RAPGEF6: variants seen among roughly 807,000 people sequenced by gnomAD.
The protein encoded by RAPGEF6 is PDZ domain containing guanine nucleotide exchange factor (GEF) 2.
Under a neutral mutation model 171.4 loss-of-function variants are expected in RAPGEF6, and 56 were observed. The ratio of observed to expected loss-of-function variants is 0.33; its 90% confidence interval spans 0.26 to 0.41. RAPGEF6 has a LOEUF of 0.41. Among genes scored for constraint, RAPGEF6 ranks in the 10% least tolerant of loss-of-function variants. RAPGEF6 has a pLI of 1.00. For missense variants in RAPGEF6, 1,674 were observed against 1,921.4 expected, an observed-to-expected ratio of 0.87 and a Z score of 2.41; for synonymous variants, 692 against 650.1, an observed-to-expected ratio of 1.06 and a Z score of -0.98.
At chr5:131,481,226 T>C (rs573217584) in intron 15 of RAPGEF6, among the ~76,000 whole-genome samples, 1 of 149,662 alleles carries the variant, frequency 6.7e-6, no homozygotes, top group South Asian at 2.1e-4. Context: ...TGCCTGGCCC[T>C]TTTTTTTTCC....
At chr5:131,567,443 A>G (rs977790017) in intron 4 of RAPGEF6, among the ~76,000 whole-genome samples, 1 of 152,136 alleles carries the variant, frequency 6.6e-6, no homozygotes, top group East Asian at 1.9e-4. Context: ...GCATCCCATA[A>G]ATTTTGATGT....
intron 6 of RAPGEF6, among the ~76,000 whole-genome samples, chr5:131,524,633 AG>A (rs1204826901): frequency 1.3e-5 from 2 of 150,472 alleles, no homozygotes; most frequent in African/African-American, 4.9e-5. Context: ...AGAGAGAGAG[AG>A]AGAGAGAGAC....
intron 2 of RAPGEF6, among the ~76,000 whole-genome samples, chr5:131,604,340 T>C (rs370662906): frequency 1.3e-5 from 2 of 152,204 alleles, no homozygotes; most frequent in Non-Finnish European, 2.9e-5. Flanking sequence ...CCCTATTTTA[T>C]TGAAGACAAA....
At chr5:131,477,986 G>A (rs1404143601) in intron 16 of RAPGEF6, among the ~76,000 whole-genome samples, 2 of 152,018 alleles carry the variant, frequency 1.3e-5, no homozygotes, top group Non-Finnish European at 2.9e-5. Flanking sequence ...CTCCTTACTC[G>A]ATCCCCATTT....
At chr5:131,634,008 G>T (rs1766476162) in intron 1 of RAPGEF6, among the ~76,000 whole-genome samples, 1 of 152,160 alleles carries the variant, frequency 6.6e-6, no homozygotes, top group Non-Finnish European at 1.5e-5. Context: ...GACCTATCAT[G>T]GCTTCCGTTG....
chr5:131,472,672 T>C lies in RAPGEF6; in HGVS notation c.2154A>G (p.Ile718Met). The C allele has an allele frequency of 6.2e-7, 1 of 1,613,162 alleles. No homozygotes were observed. The change falls in exon 17 of 28, where the codon ATA becomes ATG. Residue 718 changes from isoleucine to methionine, a missense_variant. Ile to Met is a conservative substitution (Grantham distance 10, BLOSUM62 1). Coordinates refer to ENST00000509018, the MANE Select transcript of RAPGEF6 (RefSeq NM_016340.6). ...GTRHCRHSLA[I>M]MPIPGTLSSS... Reference sequence around the variant, plus strand: ...ATGAGAGTGTTCCAGGGATGGGCATTATAGCCAGACTATGCCTACAGTGCC... The same window carrying C: ...ATGAGAGTGTTCCAGGGATGGGCATCATAGCCAGACTATGCCTACAGTGCC...
rs1751332483 is a variant in RAPGEF6 at position 131,424,965 on chromosome 5, T to C, written c.*2301A>G. 1 of 152,318 alleles carries C rather than the reference T, an allele frequency of 6.6e-6. No individual in the cohort carries two copies. The highest frequency in any genetic ancestry group is 1.5e-5 in the Non-Finnish European group (1 of 68,024). The allele number at this position is 152,318 out of a possible 1,614,324, so 9.4% of individuals were successfully genotyped here. A position where few individuals can be genotyped will look rare whatever the true frequency, so the allele number is the denominator to read the frequency against. On this transcript the variant is annotated 3_prime_UTR_variant, in exon 28 of 28. Coordinates refer to ENST00000509018, the MANE Select transcript of RAPGEF6 (RefSeq NM_016340.6). Reference sequence around the variant, plus strand: ...CTTAAGACTTCTCTTGTTCTAGTCATATGACAAACTAAGAGAAGGCAGGAA... The same window carrying C: ...CTTAAGACTTCTCTTGTTCTAGTCACATGACAAACTAAGAGAAGGCAGGAA...
intron 13 of RAPGEF6, among the ~76,000 whole-genome samples, chr5:131,493,237 TG>T (rs1756413274): frequency 1.3e-5 from 2 of 152,072 alleles, no homozygotes; most frequent in Non-Finnish European, 2.9e-5. Context: ...GCTAATTTTT[TG>T]TATTTTTGGT....
Position 131,464,281 on chromosome 5 carries a change from T to C in RAPGEF6, c.2240A>G (p.Asp747Gly), listed in dbSNP as rs758136145. 1 of 1,606,904 alleles carries C rather than the reference T, an allele frequency of 6.2e-7. No individual in the cohort carries two copies. Among genetic ancestry groups the C allele is most frequent in the African/African-American group, 1.3e-5 (1 of 74,700 alleles). ...AACTCTTATAACTTGATCAGGGATATCTACATAAATAGAAAGATATGCTTT... is the reference window on the plus strand; with the variant it reads ...AACTCTTATAACTTGATCAGGGATACCTACATAAATAGAAAGATATGCTTT... Reference protein sequence around the residue: ...TSMLDFSNPSDIPDQVIRVFK... With the variant: ...TSMLDFSNPSGIPDQVIRVFK... The change falls in exon 18 of 28, where the codon GAT (aspartate) becomes GGT (glycine). Residue 747 changes from aspartate to glycine, a missense_variant and splice_region_variant. Coordinates refer to ENST00000509018, the MANE Select transcript of RAPGEF6 (RefSeq NM_016340.6).
chr5:131,495,730 G>C lies in RAPGEF6; in HGVS notation c.1420-70C>G, dbSNP rs890232193. 30 of 1,536,814 alleles carry C rather than the reference G, an allele frequency of 2.0e-5. No individual in the cohort carries two copies. In the African/African-American group the frequency reaches 3.4e-4, roughly 18 times the overall value. ...CCTTCTGCACAAGTGGATTCCAAAA[G>C]CATGTCTAAAACTCATGAAGAACTG... On this transcript the variant is annotated intron_variant, in intron 12 of 27. Transcript: ENST00000509018.
intron 17 of RAPGEF6, among the ~76,000 whole-genome samples, chr5:131,465,913 C>G (rs1754303494): frequency 6.6e-6 from 1 of 152,040 alleles, no homozygotes; most frequent in African/African-American, 2.4e-5. Context: ...GCATCACCTT[C>G]TTAGCATTAT....
intron 1 of RAPGEF6, among the ~76,000 whole-genome samples, chr5:131,632,874 C>T (rs1489966738): frequency 6.6e-6 from 1 of 152,224 alleles, no homozygotes; most frequent in Non-Finnish European, 1.5e-5. Context: ...CAGTTAACCT[C>T]TTATGCTGCT....
chr5:131,476,228 T>C (rs1755079592), intron 16 of RAPGEF6, among the ~76,000 whole-genome samples: 1 of 152,194 alleles, frequency 6.6e-6, no homozygotes, highest in Admixed American at 6.5e-5. Context: ...GGAGCATCTA[T>C]ATATAAATCT....
intron 4 of RAPGEF6, among the ~76,000 whole-genome samples, chr5:131,588,887 A>T (rs1763422484): frequency 6.6e-6 from 1 of 152,116 alleles, no homozygotes; most frequent in South Asian, 2.1e-4. Context: ...AGCCTGGCCA[A>T]CATGGTACCC....
chr5:131,464,294 A>T lies in RAPGEF6; in HGVS notation c.2240-13T>A. The T allele has an allele frequency of 1.3e-6, 2 of 1,599,286 alleles. No individual in the cohort carries two copies. The highest frequency in any genetic ancestry group is 2.2e-5 in the South Asian group (2 of 90,290). On this transcript the variant is annotated splice_polypyrimidine_tract_variant and intron_variant, in intron 17 of 27. Transcript: ENST00000509018. ...TGATCAGGGATATCTACATAAATAG[A>T]AAGATATGCTTTGTTATTTTTTAAA...
intron 12 of RAPGEF6, among the ~76,000 whole-genome samples, chr5:131,497,965 G>C (rs965248749): frequency 1.3e-5 from 2 of 152,146 alleles, no homozygotes; most frequent in African/African-American, 4.8e-5. Flanking sequence ...AGTCACAGGA[G>C]AGACATATTA....
At chr5:131,509,660 T>C (rs960816759) in intron 8 of RAPGEF6, among the ~76,000 whole-genome samples, 24 of 152,134 alleles carry the variant, frequency 1.6e-4, no homozygotes, top group Admixed American at 9.8e-4. Context: ...ACACTGAACA[T>C]TGTACTATGC....
chr5:131,500,581 A>G (rs1041810209), intron 11 of RAPGEF6, among the ~76,000 whole-genome samples: 5 of 152,298 alleles, frequency 3.3e-5, no homozygotes, highest in African/African-American at 1.2e-4. Context: ...GATCCCAGCC[A>G]CACAAATTTC....
chr5:131,550,682 C>G (rs1760866419), intron 5 of RAPGEF6, among the ~76,000 whole-genome samples: 1 of 152,226 alleles, frequency 6.6e-6, no homozygotes. Context: ...GCCATCTCTT[C>G]CATAATTACC....
Sources: allele counts gnomAD v4.1 joint callset (sites outside exome capture counted in the v4.1 genomes callset), GRCh38; gene constraint gnomAD v4.1.1; transcripts MANE v1.5; gene names NCBI Gene and HGNC (gene_info 2026-07-23, HGNC 2026-07-21).